Variants in PACS1 observed in about 807,000 individuals in gnomAD.
PACS1 encodes the protein PACS-1.
PACS1 carries 24 observed loss-of-function variants against 115.0 expected under a neutral mutation model. The observed-to-expected ratio is 0.21, with a 90% CI of 0.15 to 0.29. PACS1 has a LOEUF of 0.29. PACS1 is among the 10% of genes least tolerant of loss of function. The pLI is 1.00. For missense variants in PACS1, 838 were observed against 1,251.2 expected (o/e 0.67, Z 4.98); for synonymous variants, 453 against 504.5 (o/e 0.90, Z 1.37).
At chr11:66,128,505 A>G (rs933751774) in intron 1 of PACS1, among the ~76,000 whole-genome samples, 1 of 152,182 alleles carries the variant, frequency 6.6e-6, no homozygotes, top group Non-Finnish European at 1.5e-5. Flanking sequence ...ACATCGTTGA[A>G]GCTGGGTGTT....
In PACS1 at chr11:66,070,945, C is replaced by T. The variant is rs1436853218; in HGVS notation, c.356+103C>T. 26 of 1,163,174 alleles carry T rather than the reference C, an allele frequency of 2.2e-5. No homozygotes were observed. The highest frequency in any genetic ancestry group is 2.7e-5 in the Non-Finnish European group (24 of 893,948). The allele number at this position is 1,163,174 out of a possible 1,614,324, so 72.1% of individuals were successfully genotyped here. A position where few individuals can be genotyped will look rare whatever the true frequency, so the allele number is the denominator to read the frequency against. ...CATGGGGTCCCCGCCCTCCATCTCC[C>T]CGACTGTCCCGCGGCCCGGCCTGGC... On this transcript the variant is annotated intron_variant, in intron 1 of 23. Transcript: ENST00000320580. The surrounding 1 kb of genome is among the most constrained non-coding windows in gnomAD (Gnocchi z 5.9).
chr11:66,155,819 TC>T (rs1859338022), intron 1 of PACS1, among the ~76,000 whole-genome samples: 1 of 152,170 alleles, frequency 6.6e-6, no homozygotes, highest in Non-Finnish European at 1.5e-5. Flanking sequence ...CTGGAAACAA[TC>T]CGGGGGCTCA....
Position 66,070,977 on chromosome 11 carries a change from C to T in PACS1, c.356+135C>T. 1.0e-6 allele frequency: 1 copy of T among 961,662 alleles called. No individual in the cohort carries two copies. Among genetic ancestry groups the T allele is most frequent in the Non-Finnish European group, 1.4e-6 (1 of 714,922 alleles). 59.6% of individuals were successfully genotyped at this position (961,662 alleles called of 1,614,324 possible). ...TCCCGCGGCCCGGCCTGGCTCCAGC[C>T]AGGCCTCCCGGGACTCCTGCCACGG... is the stretch of plus-strand genomic sequence containing the variant. On this transcript the variant is annotated intron_variant, in intron 1 of 23. Transcript: ENST00000320580. This position sits in a 1 kb window ranked among gnomAD's most constrained non-coding sequence, Gnocchi z 5.9.
At chr11:66,213,019 T>G (rs1344386067) in intron 4 of PACS1, among the ~76,000 whole-genome samples, 2 of 152,094 alleles carry the variant, frequency 1.3e-5, no homozygotes, top group African/African-American at 2.4e-5. Flanking sequence ...CCGGCTAATT[T>G]TTTTTATATT....
At chr11:66,201,769 C>T (rs1352836712) in intron 2 of PACS1, among the ~76,000 whole-genome samples, 1 of 151,536 alleles carries the variant, frequency 6.6e-6, no homozygotes, top group African/African-American at 2.4e-5. Flanking sequence ...AAGTGATTCT[C>T]CTGCCTCAGT....
intron 1 of PACS1, among the ~76,000 whole-genome samples, chr11:66,135,963 G>A (rs1297150780): frequency 6.6e-6 from 1 of 151,998 alleles, no homozygotes; most frequent in Non-Finnish European, 1.5e-5. Flanking sequence ...AGCCTCCTGC[G>A]CTCCTCTTAA....
chr11:66,226,874 A>G (rs1401006723), intron 10 of PACS1, among the ~76,000 whole-genome samples: 1 of 152,240 alleles, frequency 6.6e-6, no homozygotes, highest in Non-Finnish European at 1.5e-5. Flanking sequence ...AATATTAACA[A>G]ATACGAAAAT....
At chr11:66,108,786 G>A (rs1858116517) in intron 1 of PACS1, among the ~76,000 whole-genome samples, 1 of 151,882 alleles carries the variant, frequency 6.6e-6, no homozygotes, top group Non-Finnish European at 1.5e-5. Context: ...GAGAAAGAGA[G>A]AAGAGAGAGA....
At chr11:66,192,820 C>G (rs890827967) in intron 1 of PACS1, among the ~76,000 whole-genome samples, 1 of 152,160 alleles carries the variant, frequency 6.6e-6, no homozygotes, top group Non-Finnish European at 1.5e-5. Flanking sequence ...ACTGAGACTC[C>G]ACAGTGAGGG....
intron 4 of PACS1, among the ~76,000 whole-genome samples, chr11:66,212,866 T>A (rs1040757332): frequency 6.6e-6 from 1 of 152,192 alleles, no homozygotes; most frequent in African/African-American, 2.4e-5. Flanking sequence ...TTATTTATTT[T>A]CGAGACAGAG....
At chr11:66,082,826 G>A (rs965442250) in intron 1 of PACS1, among the ~76,000 whole-genome samples, 2 of 152,202 alleles carry the variant, frequency 1.3e-5, no homozygotes, top group African/African-American at 4.8e-5. Context: ...TTGCACTCCA[G>A]CCTGGGCAGC....
intron 1 of PACS1, among the ~76,000 whole-genome samples, chr11:66,187,137 T>A (rs975997560): frequency 6.6e-6 from 1 of 152,232 alleles, no homozygotes; most frequent in Non-Finnish European, 1.5e-5. Context: ...GTTTCCAGTA[T>A]AGGACCATTG....
intron 2 of PACS1, among the ~76,000 whole-genome samples, chr11:66,207,984 G>T (rs886783827): frequency 1.3e-5 from 2 of 152,128 alleles, no homozygotes. Flanking sequence ...GCCCAGGCTG[G>T]TCTTGAAGTC....
intron 1 of PACS1, among the ~76,000 whole-genome samples, chr11:66,087,214 T>C (rs954965638): frequency 1.3e-5 from 2 of 151,894 alleles, no homozygotes; most frequent in African/African-American, 4.8e-5. Flanking sequence ...ACACAGTGGA[T>C]GAAGTACAAA....
chr11:66,202,740 A>AG (rs1854835470), intron 2 of PACS1, among the ~76,000 whole-genome samples: 1 of 85,988 alleles, frequency 1.2e-5, no homozygotes, highest in Non-Finnish European at 2.1e-5. Context: ...AAAAAAAAAA[A>AG]AAATATATAT....
chr11:66,188,894 A>C (rs902775912), intron 1 of PACS1, among the ~76,000 whole-genome samples: 1 of 152,180 alleles, frequency 6.6e-6, no homozygotes, highest in Non-Finnish European at 1.5e-5. Flanking sequence ...TTCATTTATA[A>C]TTAAAATAAT....
Position 66,210,439 on chromosome 11 carries a change from C to A in PACS1, c.522C>A (p.Thr174=). ...SGLVETELQL[T]FSLQYPHFLK... ...TGGTGGAAACAGAGCTCCAATTAACCTTCTCCCTTCAGGTGAGACTCTCCT... is the reference window on the plus strand; with the variant it reads ...TGGTGGAAACAGAGCTCCAATTAACATTCTCCCTTCAGGTGAGACTCTCCT... The change falls in exon 3 of 24, where the codon ACC becomes ACA. Residue 174 remains threonine, a synonymous_variant. Coordinates refer to ENST00000320580, the MANE Select transcript of PACS1 (RefSeq NM_018026.4). 1 of 1,610,992 alleles carries A rather than the reference C, an allele frequency of 6.2e-7. No homozygotes were observed. Among genetic ancestry groups the A allele is most frequent in the Admixed American group, 1.7e-5 (1 of 60,016 alleles).
chr11:66,121,860 G>A (rs371986537), intron 1 of PACS1, among the ~76,000 whole-genome samples: 30 of 152,230 alleles, frequency 2.0e-4, no homozygotes, highest in African/African-American at 6.5e-4. Flanking sequence ...AAAATGCAGG[G>A]TGAAGCAGCA....
intron 2 of PACS1, among the ~76,000 whole-genome samples, chr11:66,209,673 G>T (rs1198442275): frequency 6.6e-6 from 1 of 152,108 alleles, no homozygotes; most frequent in Non-Finnish European, 1.5e-5. Context: ...ACTTTGGGAG[G>T]CTGAAGCAAG....
Sources: gnomAD v4.1 joint callset for allele counts (sites outside exome capture counted in the v4.1 genomes callset) on GRCh38, gnomAD v4.1.1 for gene constraint, Gnocchi (gnomAD v3.1) non-coding constraint, MANE v1.5 for transcripts, NCBI Gene and HGNC (gene_info 2026-07-23, HGNC 2026-07-21) for gene names.